The following ARHGEF1 variants were observed in gnomAD, a reference collection of about 807,000 sequenced individuals.
ARHGEF1 encodes 115 kDa guanine nucleotide exchange factor.
A neutral mutation model predicts 119.7 loss-of-function variants in ARHGEF1; 40 were observed. That is an observed-to-expected ratio of 0.33 (90% CI 0.26 to 0.44). The LOEUF (loss-of-function observed/expected upper bound fraction) is 0.44, where lower values mean the gene tolerates loss of function less well. Among genes scored for constraint, ARHGEF1 ranks in the 20% least tolerant of loss-of-function variants. The probability of loss-of-function intolerance (pLI) is 1.00; values close to 1 mark genes in which losing one functional copy is unlikely to be tolerated. For missense variants in ARHGEF1, 976 were observed against 1,268.3 expected, an observed-to-expected ratio of 0.77 and a Z score of 3.50; for synonymous variants, 494 against 521.0, an observed-to-expected ratio of 0.95 and a Z score of 0.71.
chr19:41,893,059 G>A (rs1028828753), intron 7 of ARHGEF1: 24 of 1,032,474 alleles, frequency 2.3e-5, no homozygotes, highest in Non-Finnish European at 3.3e-5. Flanking sequence ...TGTCATTTCT[G>A]GGTCTTGTCC....
rs1244989767 is a variant in ARHGEF1 at position 41,894,786 on chromosome 19, TG to T, written c.877+130del. On this transcript the variant is annotated intron_variant, in intron 11 of 28. Coordinates refer to ENST00000354532, the MANE Select transcript of ARHGEF1 (RefSeq NM_004706.4). ...CGCCTGGTTCTGAGGGAGGAGGGGA[TG>T]GGGGCCTGGACACCTGGGTCTGAGG... 19 of 729,010 alleles carry T rather than the reference TG, an allele frequency of 2.6e-5. No individual in the cohort carries two copies. The African/African-American group carries it at 2.9e-4, about 11-fold the overall frequency. The allele number at this position is 729,010 out of a possible 1,614,324, so 45.2% of individuals were successfully genotyped here.
chr19:41,921,126 G>A (rs577644657), upstream of ARHGEF1, among the ~76,000 whole-genome samples: 46 of 152,296 alleles, frequency 3.0e-4, 1 homozygote, highest in Admixed American at 3.0e-3. The surrounding 1 kb of genome is among the most constrained non-coding windows in gnomAD (Gnocchi z 4.4). Flanking sequence ...CTCTGGGGGA[G>A]GGGAGAGGGA....
downstream of ARHGEF1, among the ~76,000 whole-genome samples, chr19:41,910,656 G>A (rs187028396): frequency 6.6e-5 from 10 of 152,070 alleles, no homozygotes; most frequent in East Asian, 3.9e-4. The surrounding 1 kb of genome is among the most constrained non-coding windows in gnomAD (Gnocchi z 4.4). Flanking sequence ...TACCTTTCCC[G>A]TCCCTGTGTC....
chr19:41,914,810 CCTCCACCGTGTCTCCCCCCCT>C lies in ARHGEF1; in HGVS notation c.1865+8008_1865+8028del, dbSNP rs1489118342. On this transcript the variant is annotated intron_variant, in intron 18 of 20. Coordinates refer to the ARHGEF1 transcript ENST00000599589. ...TCCACCGTCTCTGTCTCTCCCTCCC[CCTCCACCGTGTCTCCCCCCCT>C]TTCCACCGTCTCTGTCTCTCCCCCC... 5.1e-4 allele frequency among the ~76,000 whole-genome samples: 20 copies of C among 38,960 alleles called. 2 individuals are homozygous for C. Among genetic ancestry groups the C allele is most frequent in the Non-Finnish European group, 7.5e-4 (11 of 14,656 alleles). The allele number at this position is 38,960 out of a possible 152,430, so 25.6% of individuals were successfully genotyped here.
chr19:41,929,350 T>C (rs1412031906), intron 2 of ARHGEF1, among the ~76,000 whole-genome samples: 1 of 151,876 alleles, frequency 6.6e-6, no homozygotes, highest in Non-Finnish European at 1.5e-5. Context: ...GACACTCCCC[T>C]TCACACTCCC....
chr19:41,907,814 G>A (rs1255066661), downstream of ARHGEF1: 1 of 192,658 alleles, frequency 5.2e-6, no homozygotes, highest in Non-Finnish European at 1.0e-5. Flanking sequence ...TGGGGGCGGG[G>A]TTATTGCTCT....
chr19:41,926,982 A>G (rs1341039375), intron 1 of ARHGEF1, among the ~76,000 whole-genome samples: 1 of 151,676 alleles, frequency 6.6e-6, no homozygotes, highest in Non-Finnish European at 1.5e-5. Context: ...CCGAGAAAGG[A>G]AGAGAGAGAG....
chr19:41,926,504 T>A (rs1489531233), intron 1 of ARHGEF1, among the ~76,000 whole-genome samples: 1 of 152,048 alleles, frequency 6.6e-6, no homozygotes, highest in Non-Finnish European at 1.5e-5. Context: ...TGCCAGATGG[T>A]CTGCCACCTC....
chr19:41,909,374 G>C, downstream of ARHGEF1: 1 of 1,236,926 alleles, frequency 8.1e-7, no homozygotes, highest in East Asian at 3.2e-5. This position sits in a 1 kb window ranked among gnomAD's most constrained non-coding sequence, Gnocchi z 5.2. Context: ...GCCATGTCCA[G>C]CAGCGGGTAA....
Position 41,889,005 on chromosome 19 carries a change from GAA to G in ARHGEF1, c.225+141_225+142del. On this transcript the variant is annotated intron_variant, in intron 4 of 28. Transcript: ENST00000354532. The surrounding 1 kb of genome is among the most constrained non-coding windows in gnomAD (Gnocchi z 4.0). ...ACAGAGAGCCAGATCTAGAAAGAGAGAATGCTTTAGACAAGAGCCAGAAAGCA... is the reference window on the plus strand; with the variant it reads ...ACAGAGAGCCAGATCTAGAAAGAGAGTGCTTTAGACAAGAGCCAGAAAGCA... 1.4e-6 allele frequency: 1 copy of G among 712,642 alleles called. No homozygotes were observed. The highest frequency in any genetic ancestry group is 2.3e-6 in the Non-Finnish European group (1 of 437,106). 44.1% of individuals were successfully genotyped at this position (712,642 alleles called of 1,614,324 possible).
intron 1 of ARHGEF1, among the ~76,000 whole-genome samples, chr19:41,925,898 G>C (rs2074868212): frequency 6.6e-6 from 1 of 152,032 alleles, no homozygotes; most frequent in African/African-American, 2.4e-5. Context: ...AGGAGGCTGG[G>C]GACTGGTGGG....
In ARHGEF1 at chr19:41,928,759, GGGGTGGGT is replaced by G. The variant is rs2074888014; in HGVS notation, c.141-69_141-62del. On this transcript the variant is annotated intron_variant, in intron 1 of 2. Coordinates refer to the ARHGEF1 transcript ENST00000594417. Reference sequence around the variant, plus strand: ...GGACTGAGGGAGTGGGGGTGGGGCGGGGGTGGGTGGAGAGGTGGAGAGACCCCCCTCCT... The same window carrying G: ...GGACTGAGGGAGTGGGGGTGGGGCGGGGAGAGGTGGAGAGACCCCCCTCCT... The G allele has an allele frequency of 1.7e-5, 6 of 360,520 alleles. 1 individual carries two copies. The Middle Eastern group carries it at 4.1e-3, about 244-fold the overall frequency. 22.3% of individuals were successfully genotyped at this position (360,520 alleles called of 1,614,324 possible). A position where few individuals can be genotyped will look rare whatever the true frequency, so the allele number is the denominator to read the frequency against.
intron 13 of ARHGEF1, chr19:41,898,191 A>T: frequency 7.1e-7 from 1 of 1,409,298 alleles, no homozygotes; most frequent in Non-Finnish European, 9.2e-7. Flanking sequence ...AGAGTCACAG[A>T]GGAATGGGCG....
intron 18 of ARHGEF1, among the ~76,000 whole-genome samples, chr19:41,913,726 T>TAAG (rs1372469307): frequency 1.4e-5 from 2 of 148,008 alleles, no homozygotes; most frequent in Non-Finnish European, 3.0e-5. Context: ...CTAGATATCT[T>TAAG]ACGCCCCTAA....
rs1555849933 is a variant in ARHGEF1, at chr19:41,905,478, ATGG to A, written c.2336+220_2336+222del. 4.9e-6 allele frequency: 3 copies of A among 613,312 alleles called. No homozygotes were observed. The highest frequency in any genetic ancestry group is 2.9e-5 in the Admixed American group (1 of 34,120). 38.0% of individuals were successfully genotyped at this position (613,312 alleles called of 1,614,324 possible). A position where few individuals can be genotyped will look rare whatever the true frequency, so the allele number is the denominator to read the frequency against. On this transcript the variant is annotated intron_variant, in intron 24 of 28. Coordinates refer to ENST00000354532, the MANE Select transcript of ARHGEF1 (RefSeq NM_004706.4). This position sits in a 1 kb window ranked among gnomAD's most constrained non-coding sequence, Gnocchi z 6.4. ...TGTGCGTGTGCATGTGTGTGCGTGT[ATGG>A]TGTGTGTGTATGCATATGTGTGCAT...
intron 1 of ARHGEF1, among the ~76,000 whole-genome samples, chr19:41,924,514 C>A (rs781833117): frequency 1.3e-5 from 2 of 151,992 alleles, no homozygotes; most frequent in Non-Finnish European, 2.9e-5. Context: ...ATCACCATCA[C>A]CCTCACCTTT....
At chr19:41,908,169 G>T, downstream of ARHGEF1, 1 of 1,211,554 alleles carries the variant, frequency 8.3e-7, no homozygotes, top group Non-Finnish European at 1.0e-6. This position sits in a 1 kb window ranked among gnomAD's most constrained non-coding sequence, Gnocchi z 6.7. Context: ...CAGGCATCAA[G>T]GGCAGACGGG....
At chr19:41,928,791 C>T in intron 1 of ARHGEF1, 1 of 402,544 alleles carries the variant, frequency 2.5e-6, no homozygotes, top group Non-Finnish European at 5.1e-6. Flanking sequence ...GACCCCCCTC[C>T]TCTCCCCTTC....
In ARHGEF1 at chr19:41,905,853, G is replaced by A. The variant is rs782663859; in HGVS notation, c.2404+26G>A. ...GTGAGACCAGAGGGATGCTGGGTGA[G>A]GGGCCAGGTTGGGGCTGCCGGGTGA... On this transcript the variant is annotated intron_variant, in intron 25 of 28. Transcript: ENST00000354532. This position sits in a 1 kb window ranked among gnomAD's most constrained non-coding sequence, Gnocchi z 6.4. 2 of 1,613,940 alleles carry A rather than the reference G, an allele frequency of 1.2e-6. No individual in the cohort carries two copies. The highest frequency in any genetic ancestry group is 1.3e-5 in the African/African-American group (1 of 74,906).
Sources: allele counts gnomAD v4.1 joint callset (sites outside exome capture counted in the v4.1 genomes callset), GRCh38; gene constraint gnomAD v4.1.1; non-coding constraint Gnocchi (gnomAD v3.1); transcripts MANE v1.5; gene names NCBI Gene and HGNC (gene_info 2026-07-23, HGNC 2026-07-21).